KRT84: variants seen among roughly 807,000 people sequenced by gnomAD.
The protein encoded by KRT84 is keratin 84.
In KRT84, 38 loss-of-function variants were observed where a neutral mutation model predicts 49.0. That is an observed-to-expected ratio of 0.78 (90% CI 0.60 to 1.02). The LOEUF (loss-of-function observed/expected upper bound fraction) is 1.02. KRT84 is among the 50% of genes least tolerant of loss of function. KRT84 has a pLI of 0.00. For missense variants in KRT84, 860 were observed against 788.6 expected (o/e 1.09, Z -1.08); for synonymous variants, 334 against 312.8 (o/e 1.07, Z -0.72).
At chr12:52,382,572 C>G (rs1315419200) in intron 3 of KRT84, 40 bp from the exon 4 acceptor site, 5 of 1,507,272 alleles carry the variant, frequency 3.3e-6, no homozygotes, top group Non-Finnish European at 3.7e-6. Flanking sequence ...ATCGCCTGGG[C>G]ACTGTTTCAC....
intron 6 of KRT84, 71 bp from the exon 7 acceptor site, chr12:52,380,654 G>T (rs1310755895): frequency 2.1e-6 from 3 of 1,436,680 alleles, no homozygotes; most frequent in Non-Finnish European, 2.8e-6. Flanking sequence ...TAGAAACACG[G>T]CCCCTCTTAG....
intron 8 of KRT84, among the ~76,000 whole-genome samples, chr12:52,378,588 C>T (rs1022822530): frequency 6.6e-6 from 1 of 152,230 alleles, no homozygotes; most frequent in Non-Finnish European, 1.5e-5. Flanking sequence ...TAAAATCAAA[C>T]ATTCAGATGA....
chr12:52,379,546 G>A (rs1791613), intron 8 of KRT84, among the ~76,000 whole-genome samples: 48,906 of 152,024 alleles, frequency 0.32, 9,904 homozygotes, highest in African/African-American at 0.57. Context: ...TGGCAGAGGC[G>A]TCCCATTCCT....
rs370978375 is a variant in KRT84 at position 52,385,494 on chromosome 12, A to T, written c.92T>A (p.Phe31Tyr). Reference protein sequence around the residue: ...SAMTPQNLNRFRANSVSCWSG... With the variant: ...SAMTPQNLNRYRANSVSCWSG... Reference sequence around the variant, plus strand: ...CCAACAGGAGACAGAGTTGGCCCGGAAGCGATTCAGGTTCTGTGGTGTCAT... The same window carrying T: ...CCAACAGGAGACAGAGTTGGCCCGGTAGCGATTCAGGTTCTGTGGTGTCAT... The change falls in exon 1 of 9, where the codon TTC (phenylalanine) becomes TAC (tyrosine). Residue 31 changes from phenylalanine to tyrosine, a missense_variant. Phe to Tyr is a conservative substitution (Grantham distance 22). Coordinates refer to ENST00000257951, the MANE Select transcript of KRT84 (RefSeq NM_033045.4). 1.1e-4 allele frequency: 178 copies of T among 1,614,096 alleles called. No homozygotes were observed. Among genetic ancestry groups the T allele is most frequent in the Non-Finnish European group, 1.5e-4 (173 of 1,180,050 alleles).
At position 52,382,468 on chromosome 12, in the gene KRT84, T is replaced by C; in HGVS notation, c.881A>G (p.Glu294Gly). Reference sequence around the variant, plus strand: ...GTAAAGCGTTTTTAGAAAGTCAATTTCCTGAGTTAGGGTATCCACGTTGGC... The same window carrying C: ...GTAAAGCGTTTTTAGAAAGTCAATTCCCTGAGTTAGGGTATCCACGTTGGC... ...LEANVDTLTQ[E>G]IDFLKTLYME... Residue 294 changes from glutamate (E) to glycine (G), a missense_variant, in exon 4 of 9, where the codon GAA (glutamate) becomes GGA (glycine). Physicochemically the swap from Glu to Gly is moderately conservative, Grantham distance 98. Transcript: ENST00000257951. 1.2e-6 allele frequency: 2 copies of C among 1,614,124 alleles called. No individual in the cohort carries two copies.
At chr12:52,380,959 C>T (rs1163771775) in intron 6 of KRT84, 121 bp downstream of exon 6, 2 of 1,334,824 alleles carry the variant, frequency 1.5e-6, no homozygotes, top group Non-Finnish European at 2.1e-6. Context: ...TGGACTGATC[C>T]CTCCATTCCT....
In KRT84 at chr12:52,378,224, CG is replaced by C; in HGVS notation, c.1612del (p.Arg538GlyfsTer10). 1 of 1,568,130 alleles carries C rather than the reference CG, an allele frequency of 6.4e-7. No homozygotes were observed. Among genetic ancestry groups the C allele is most frequent in the Non-Finnish European group, 8.6e-7 (1 of 1,158,020 alleles). ...CAGGTCCCCAGTGGCCGGGGCGACC[CG>C]GGCTCCACCCAGGCTGGGGCCACAG... ...ASCGPSLGGARVAPATGDLLS... is the reference protein window; with the variant it reads ...ASCGPSLGGAXVAPATGDLLS... On this transcript the variant is annotated frameshift_variant, in exon 9 of 9. Transcript: ENST00000257951. LOFTEE classifies it low-confidence loss of function (END_TRUNC).
chr12:52,378,074 C>T lies in KRT84; in HGVS notation c.1763G>A (p.Arg588His), dbSNP rs369607220. 2.7e-5 allele frequency: 40 copies of T among 1,495,590 alleles called. No individual in the cohort carries two copies. In the East Asian group the frequency reaches 2.7e-4, roughly 10 times the overall value. 92.6% of individuals were successfully genotyped at this position (1,495,590 alleles called of 1,614,324 possible). ...SCSGGRSSSVRFVSTTTSCRT... is the reference protein window; with the variant it reads ...SCSGGRSSSVHFVSTTTSCRT... ...GCAGGAGGTGGTGGTGGACACAAAG[C>T]GGACGCTGGAGCTGCGGCCGCCGCT... The change falls in exon 9 of 9, where the codon CGC becomes CAC. Residue 588 changes from arginine (R) to histidine (H), a missense_variant. Transcript: ENST00000257951.
chr12:52,378,291 C>T lies in KRT84; in HGVS notation c.1546G>A (p.Gly516Ser). The T allele has an allele frequency of 6.5e-7, 1 of 1,544,814 alleles. No homozygotes were observed. Among genetic ancestry groups the T allele is most frequent in the Non-Finnish European group, 8.7e-7 (1 of 1,146,906 alleles). The change falls in exon 9 of 9, where the codon GGT becomes AGT. Residue 516 changes from glycine to serine, a missense_variant. Gly to Ser is a moderately conservative substitution (Grantham distance 56). Coordinates refer to ENST00000257951, the MANE Select transcript of KRT84 (RefSeq NM_033045.4). Reference sequence around the variant, plus strand: ...CTGGTGGCACAGACGCTGCTGCTACCTGAGAAGGTGACCCCGCCGCGGGAG... The same window carrying T: ...CTGGTGGCACAGACGCTGCTGCTACTTGAGAAGGTGACCCCGCCGCGGGAG... ...TLSRGGVTFS[G>S]SSSVCATSGV...
Position 52,382,685 on chromosome 12 carries a change from C to T in KRT84, c.817-153G>A, listed in dbSNP as rs1406095936. On this transcript the variant is annotated intron_variant, in intron 3 of 8. Coordinates refer to ENST00000257951, the MANE Select transcript of KRT84 (RefSeq NM_033045.4). ...AGCTCAGCAACTTTTGCTCATTTCCCTATTACAATGCCAACATTCCCCCAG... is the reference window on the plus strand; with the variant it reads ...AGCTCAGCAACTTTTGCTCATTTCCTTATTACAATGCCAACATTCCCCCAG... Among the ~76,000 whole-genome samples, 5 of 152,300 alleles carry T rather than the reference C, an allele frequency of 3.3e-5. No homozygotes were observed. The East Asian group carries it at 5.8e-4, about 18-fold the overall frequency.
In KRT84 at chr12:52,378,374, C is replaced by T; in HGVS notation, c.1463G>A (p.Ser488Asn). The part of the protein sequence containing the change: ...EGVGPVNISV[S>N]SSRGGLVCGP... ...GCACACCAGGCCGCCCCGGGAGCTG[C>T]TGACGGCTGCGGAGAAAGAAAGCAT... The change falls in exon 9 of 9, where the codon AGC becomes AAC. Residue 488 changes from serine (S) to asparagine (N), a missense_variant. Transcript: ENST00000257951. 1 of 1,458,742 alleles carries T rather than the reference C, an allele frequency of 6.9e-7. No homozygotes were observed. The highest frequency in any genetic ancestry group is 9.0e-7 in the Non-Finnish European group (1 of 1,108,448). The allele number at this position is 1,458,742 out of a possible 1,614,324, so 90.4% of individuals were successfully genotyped here. A position where few individuals can be genotyped will look rare whatever the true frequency, so the allele number is the denominator to read the frequency against.
intron 6 of KRT84, 60 bp from the exon 7 acceptor site, chr12:52,380,643 T>G: frequency 6.7e-7 from 1 of 1,482,372 alleles, no homozygotes; most frequent in Non-Finnish European, 9.1e-7. Flanking sequence ...CCAGGTTGGG[T>G]TAGAAACACG....
At chr12:52,379,177 C>G (rs956007824) in intron 8 of KRT84, among the ~76,000 whole-genome samples, 1 of 152,210 alleles carries the variant, frequency 6.6e-6, no homozygotes, top group Non-Finnish European at 1.5e-5. Flanking sequence ...TTCCACTACA[C>G]GTCAGTGTTC....
At chr12:52,379,206 A>C (rs1345043541) in intron 8 of KRT84, among the ~76,000 whole-genome samples, 3 of 152,224 alleles carry the variant, frequency 2.0e-5, no homozygotes, top group Admixed American at 2.0e-4. Context: ...TTTTGGAGTC[A>C]GAAATCTGGG....
chr12:52,381,361 C>A lies in KRT84; in HGVS notation c.1077G>T (p.Lys359Asn). 1 of 1,614,192 alleles carries A rather than the reference C, an allele frequency of 6.2e-7. No individual in the cohort carries two copies. Among genetic ancestry groups the A allele is most frequent in the Non-Finnish European group, 8.5e-7 (1 of 1,180,042 alleles). ...CCCTTCCCCAGCCTCCACTGCCCACCTTGGTCTGGTACCAGGCCTCAGCAT... is the reference window on the plus strand; with the variant it reads ...CCCTTCCCCAGCCTCCACTGCCCACATTGGTCTGGTACCAGGCCTCAGCAT... ...RADAEAWYQT[K>N]YEEMQVTAGQ... The change falls in exon 5 of 9, where the codon AAG (lysine) becomes AAT (asparagine). Residue 359 changes from lysine to asparagine, a missense_variant and splice_region_variant. Coordinates refer to ENST00000257951, the MANE Select transcript of KRT84 (RefSeq NM_033045.4).
At position 52,385,549 on chromosome 12, in the gene KRT84, G is replaced by A. The variant is rs138520896; in HGVS notation, c.37C>T (p.Arg13Trp). 13 of 1,613,930 alleles carry A rather than the reference G, an allele frequency of 8.1e-6. No homozygotes were observed. The African/African-American group carries it at 9.3e-5, about 12-fold the overall frequency. Residue 13 changes from arginine (R) to tryptophan (W), a missense_variant, in exon 1 of 9, where the codon CGG (arginine) becomes TGG (tryptophan). Physicochemically the swap from Arg to Trp is moderately radical, Grantham distance 101. Coordinates refer to ENST00000257951, the MANE Select transcript of KRT84 (RefSeq NM_033045.4). ...CRSYRVSSGH[R>W]VGNFSSCSAM... Reference sequence around the variant, plus strand: ...GAACAAGAGCTGAAGTTGCCCACCCGGTGACCAGAGCTGACTCGGTAGGAG... The same window carrying A: ...GAACAAGAGCTGAAGTTGCCCACCCAGTGACCAGAGCTGACTCGGTAGGAG...
Position 52,378,047 on chromosome 12 carries a change from C to T in KRT84, c.1790G>A (p.Arg597Gln), listed in dbSNP as rs763646827. The change falls in exon 9 of 9, where the codon CGG becomes CAG. Residue 597 changes from arginine (R) to glutamine (Q), a missense_variant. Transcript: ENST00000257951. The stretch of plus-strand genomic sequence containing the variant: ...GGGGCTGGGCTCTCAGTACTTGGTC[C>T]GGCAGGAGGTGGTGGTGGACACAAA... ...VRFVSTTTSC[R>Q]TKY 96 of 1,470,800 alleles carry T rather than the reference C, an allele frequency of 6.5e-5. No individual in the cohort carries two copies. The highest frequency in any genetic ancestry group is 4.7e-4 in the South Asian group (32 of 68,042). The allele number at this position is 1,470,800 out of a possible 1,614,324, so 91.1% of individuals were successfully genotyped here.
intron 8 of KRT84, 120 bp from the exon 9 acceptor site, chr12:52,378,500 G>T: frequency 1.4e-6 from 1 of 699,104 alleles, no homozygotes; most frequent in Non-Finnish European, 2.2e-6. Context: ...TGTGGCATCT[G>T]GGGAAGTGGT....
In KRT84 at chr12:52,377,936, T is replaced by C. The variant is rs1255617367; in HGVS notation, c.*98A>G. Reference sequence around the variant, plus strand: ...GTGGCTTCCTGGCAGAAAGGGGAGCTGGAGACCGTCAAGCCCAGAGCCCAC... The same window carrying C: ...GTGGCTTCCTGGCAGAAAGGGGAGCCGGAGACCGTCAAGCCCAGAGCCCAC... On this transcript the variant is annotated 3_prime_UTR_variant, in exon 9 of 9. Transcript: ENST00000257951. 1 of 900,386 alleles carries C rather than the reference T, an allele frequency of 1.1e-6. No homozygotes were observed. The highest frequency in any genetic ancestry group is 1.5e-6 in the Non-Finnish European group (1 of 647,138). 55.8% of individuals were successfully genotyped at this position (900,386 alleles called of 1,614,324 possible). A position where few individuals can be genotyped will look rare whatever the true frequency, so the allele number is the denominator to read the frequency against.
Sources: gnomAD v4.1 joint callset for allele counts (sites outside exome capture counted in the v4.1 genomes callset) on GRCh38, gnomAD v4.1.1 for gene constraint, MANE v1.5 for transcripts, NCBI Gene and HGNC (gene_info 2026-07-23, HGNC 2026-07-21) for gene names.